The following ZNF568 variants were observed in gnomAD, a reference collection of about 807,000 sequenced individuals.
The protein encoded by ZNF568 is p53 inhibitor of SCO2 activation.
Under a neutral mutation model 18.1 loss-of-function variants are expected in ZNF568, and 11 were observed. The ratio of observed to expected loss-of-function variants is 0.61; its 90% CI spans 0.38 to 1.00. ZNF568 has a LOEUF of 1.00. ZNF568 is among the 50% of genes least tolerant of loss of function. ZNF568 has a pLI of 0.01. For synonymous variants in ZNF568, 213 were observed against 246.6 expected, an observed-to-expected ratio of 0.86 and a Z score of 1.28; for missense variants, 639 against 768.2, an observed-to-expected ratio of 0.83 and a Z score of 1.99.
intron 3 of ZNF568, among the ~76,000 whole-genome samples, chr19:36,924,497 G>A (rs1267877528): frequency 0.025 from 3 of 120 alleles, no homozygotes; most frequent in East Asian, 0.17. Context: ...GATTACAGGC[G>A]TGACGACCGC....
chr19:36,977,233 TTC>T (rs1490785066), intron 7 of ZNF568, among the ~76,000 whole-genome samples: 2 of 152,188 alleles, frequency 1.3e-5, no homozygotes, highest in African/African-American at 4.8e-5. Context: ...CTAAAATACT[TTC>T]TGTCTTTTAT....
intron 6 of ZNF568, among the ~76,000 whole-genome samples, chr19:36,941,915 CTTTT>C (rs918765536): frequency 6.6e-6 from 1 of 151,618 alleles, no homozygotes; most frequent in South Asian, 2.1e-4. Flanking sequence ...TTATTTTTGA[CTTTT>C]TTTAACTATC....
chr19:36,996,156 A>G (rs2146353535), intron 4 of ZNF568, among the ~76,000 whole-genome samples: 1 of 152,274 alleles, frequency 6.6e-6, no homozygotes, highest in African/African-American at 2.4e-5. Context: ...CTTGAGCCCA[A>G]AAGCTCCTCG....
chr19:36,928,668 T>C (rs575492469), intron 4 of ZNF568, among the ~76,000 whole-genome samples: 2 of 152,238 alleles, frequency 1.3e-5, no homozygotes, highest in East Asian at 1.9e-4. Flanking sequence ...ACAAGAATGA[T>C]TGAAATATGG....
intron 6 of ZNF568, among the ~76,000 whole-genome samples, chr19:36,966,352 C>A (rs536013505): frequency 6.6e-6 from 1 of 152,226 alleles, no homozygotes; most frequent in East Asian, 1.9e-4. Flanking sequence ...CTCAAACAAT[C>A]CTCCTGCCTT....
intron 2 of ZNF568, among the ~76,000 whole-genome samples, chr19:36,918,886 T>TGTTTGTGCTTTTGTGACCCTGATTTA (rs1419621112): frequency 6.6e-6 from 1 of 152,224 alleles, no homozygotes; most frequent in African/African-American, 2.4e-5. Context: ...AATCATATGT[T>TGTTTGTGCTTTTGTGACCCTGATTTA]GTTTGTGCTT....
chr19:36,993,691 T>C (rs1359069251), intron 4 of ZNF568, among the ~76,000 whole-genome samples: 1 of 152,148 alleles, frequency 6.6e-6, no homozygotes, highest in Non-Finnish European at 1.5e-5. Context: ...GGCATATAGT[T>C]ATTCGTAGGA....
intron 6 of ZNF568, among the ~76,000 whole-genome samples, chr19:36,964,117 G>A (rs931999912): frequency 6.6e-6 from 1 of 151,288 alleles, no homozygotes; most frequent in Non-Finnish European, 1.5e-5. Context: ...ATAGTGGGCA[G>A]TAACTTTGTA....
chr19:36,945,796 G>T (rs563086156), intron 6 of ZNF568, among the ~76,000 whole-genome samples: 5 of 151,514 alleles, frequency 3.3e-5, no homozygotes, highest in Admixed American at 2.6e-4. Context: ...AATAGTGGAA[G>T]AATAATCCAA....
chr19:36,978,495 G>C (rs572576067), intron 7 of ZNF568, among the ~76,000 whole-genome samples: 1 of 152,164 alleles, frequency 6.6e-6, no homozygotes, highest in African/African-American at 2.4e-5. Context: ...TGTTCAGTGT[G>C]TTTTCTGCTT....
At chr19:36,928,188 G>A (rs931682680) in intron 4 of ZNF568, among the ~76,000 whole-genome samples, 5 of 151,360 alleles carry the variant, frequency 3.3e-5, no homozygotes, top group African/African-American at 4.9e-5. Flanking sequence ...AAAGTACTAG[G>A]ATTGCAGGCA....
At chr19:36,953,725 A>T (rs115221521), downstream of ZNF568, among the ~76,000 whole-genome samples, 2,587 of 152,036 alleles carry the variant, frequency 0.017, 33 homozygotes, top group African/African-American at 0.036. Context: ...CAGTCTGGTC[A>T]ACAGGATGAA....
downstream of ZNF568, among the ~76,000 whole-genome samples, chr19:36,982,667 T>C (rs2074341422): frequency 1.3e-5 from 2 of 151,976 alleles, no homozygotes; most frequent in South Asian, 4.2e-4. Flanking sequence ...GATCGCGCCA[T>C]TGCACTCCAG....
At chr19:36,917,079 C>A (rs1173674310) in intron 1 of ZNF568, among the ~76,000 whole-genome samples, 2 of 152,110 alleles carry the variant, frequency 1.3e-5, no homozygotes, top group African/African-American at 4.8e-5. Flanking sequence ...CTAAAAACCA[C>A]CCCTGAACTC....
chr19:36,945,737 ATGTG>A (rs35542484), intron 6 of ZNF568, among the ~76,000 whole-genome samples: 20,004 of 148,618 alleles, frequency 0.13, 2,604 homozygotes, highest in African/African-American at 0.34. Context: ...GTGTGATTAT[ATGTG>A]TGTGTGTGTG....
exon 7 of ZNF568, chr19:36,974,422 C>A (rs1336443390): frequency 6.5e-7 from 1 of 1,535,826 alleles, no homozygotes; most frequent in East Asian, 2.4e-5. Flanking sequence ...TCTTTAAGAA[C>A]CCAGAAGAGG....
chr19:36,952,137 TATATA>T lies in ZNF568; in HGVS notation c.*1055_*1059del. 4 of 636,732 alleles carry T rather than the reference TATATA, an allele frequency of 6.3e-6. No individual in the cohort carries two copies. Among genetic ancestry groups the T allele is most frequent in the Non-Finnish European group, 7.8e-6 (4 of 515,766 alleles). The allele number at this position is 636,732 out of a possible 1,614,324, so 39.4% of individuals were successfully genotyped here. A position where few individuals can be genotyped will look rare whatever the true frequency, so the allele number is the denominator to read the frequency against. ...TCACAAATAATGCATAAGAAATATA[TATATA>T]ATATATGTATGTATGTATAGCCAGA... On this transcript the variant is annotated 3_prime_UTR_variant, in exon 7 of 7. Transcript: ENST00000333987.
exon 8 of ZNF568, chr19:36,979,899 T>A (rs1340237570): frequency 6.6e-6 from 1 of 152,208 alleles, no homozygotes; most frequent in Non-Finnish European, 1.5e-5. Flanking sequence ...AATTTTAAAT[T>A]TTTACGCACT....
At chr19:36,924,605 G>T (rs543040812) in intron 3 of ZNF568, among the ~76,000 whole-genome samples, 1 of 148,906 alleles carries the variant, frequency 6.7e-6, no homozygotes, top group Admixed American at 6.7e-5. Flanking sequence ...GAGGCAAATG[G>T]ATCCCTTGAG....
Sources: allele counts gnomAD v4.1 joint callset (sites outside exome capture counted in the v4.1 genomes callset), GRCh38; gene constraint gnomAD v4.1.1; transcripts MANE v1.5; gene names NCBI Gene and HGNC (gene_info 2026-07-23, HGNC 2026-07-21).